Variants in DSTYK observed in about 807,000 individuals in gnomAD.
DSTYK encodes RIP-homologous kinase.
In DSTYK, 34 loss-of-function variants were observed where a neutral mutation model predicts 98.7. The ratio of observed to expected loss-of-function variants is 0.34; its 90% CI spans 0.26 to 0.46. The LOEUF (loss-of-function observed/expected upper bound fraction) is 0.46, where lower values mean the gene tolerates loss of function less well. DSTYK is among the 20% of genes least tolerant of loss of function. The pLI, the probability that DSTYK is intolerant of heterozygous loss-of-function variation, is 1.00. For synonymous variants in DSTYK, 462 were observed against 457.3 expected, an observed-to-expected ratio of 1.01 and a Z score of -0.13; for missense variants, 962 against 1,181.7, an observed-to-expected ratio of 0.81 and a Z score of 2.73.
At chr1:205,194,342 C>T (rs1658799256) in intron 1 of DSTYK, among the ~76,000 whole-genome samples, 1 of 152,118 alleles carries the variant, frequency 6.6e-6, no homozygotes, top group Non-Finnish European at 1.5e-5. Context: ...ACTGAAGGCT[C>T]TTAAGGTACA....
chr1:205,209,220 C>A (rs1204002492), intron 1 of DSTYK, among the ~76,000 whole-genome samples: 1 of 152,144 alleles, frequency 6.6e-6, no homozygotes, highest in East Asian at 1.9e-4. Context: ...GTTTTAGAAG[C>A]AAGTCTAAAA....
At chr1:205,157,807 G>A (rs1372482129) in intron 9 of DSTYK, among the ~76,000 whole-genome samples, 1 of 151,904 alleles carries the variant, frequency 6.6e-6, no homozygotes, top group East Asian at 1.9e-4. Flanking sequence ...GTTAGGAGAG[G>A]GAAGTAGAGG....
Position 205,148,280 on chromosome 1 carries a change from A to G in DSTYK, c.2527T>C (p.Ser843Pro). 6.2e-7 allele frequency: 1 copy of G among 1,614,156 alleles called. No homozygotes were observed. The highest frequency in any genetic ancestry group is 8.5e-7 in the Non-Finnish European group (1 of 1,180,016). The stretch of plus-strand genomic sequence containing the variant: ...GCCTCAGGGAGCTTGACAGAGCCTG[A>G]GCAGATATACCAGAAAAGAATTCCA... ...AFGILFWYIC[S>P]GSVKLPEAFE... is the part of the protein sequence containing the mutation. Residue 843 changes from serine (S) to proline (P), a missense_variant, in exon 12 of 13, where the codon TCA becomes CCA. Transcript: ENST00000367162.
chr1:205,200,106 G>C (rs1230123743), intron 1 of DSTYK, among the ~76,000 whole-genome samples: 1 of 151,840 alleles, frequency 6.6e-6, no homozygotes, highest in Admixed American at 6.6e-5. Flanking sequence ...GTGCAATCTC[G>C]GCTGGTTGCA....
chr1:205,149,200 C>T (rs1657332334), intron 11 of DSTYK, among the ~76,000 whole-genome samples: 2 of 151,092 alleles, frequency 1.3e-5, no homozygotes, highest in Admixed American at 6.6e-5. Context: ...CGCACCTGGC[C>T]GAAAGTTTTT....
At chr1:205,174,130 G>A (rs1658154597) in intron 2 of DSTYK, among the ~76,000 whole-genome samples, 3 of 152,110 alleles carry the variant, frequency 2.0e-5, no homozygotes, top group Admixed American at 2.0e-4. Context: ...TGTAATCCCA[G>A]CACTCTGGGA....
At chr1:205,148,638 G>A (rs1657314501) in intron 11 of DSTYK, among the ~76,000 whole-genome samples, 1 of 152,096 alleles carries the variant, frequency 6.6e-6, no homozygotes, top group African/African-American at 2.4e-5. Flanking sequence ...AATCACAAAA[G>A]GTCATATTAG....
At chr1:205,157,506 G>A (rs2102392945) in intron 9 of DSTYK, 120 bp from the exon 10 acceptor site, 1 of 731,996 alleles carries the variant, frequency 1.4e-6, no homozygotes, top group Middle Eastern at 3.0e-4. Flanking sequence ...CGGGCACAGT[G>A]GCTCATGCCT....
At chr1:205,165,932 G>A (rs1162748946) in intron 3 of DSTYK, among the ~76,000 whole-genome samples, 3 of 152,088 alleles carry the variant, frequency 2.0e-5, no homozygotes, top group African/African-American at 4.8e-5. Context: ...TGAGGTGGGA[G>A]GATTCCTTGA....
intron 2 of DSTYK, among the ~76,000 whole-genome samples, chr1:205,185,541 A>G (rs927175421): frequency 1.3e-5 from 2 of 152,212 alleles, no homozygotes; most frequent in Non-Finnish European, 2.9e-5. Flanking sequence ...GTTATAATCT[A>G]TCAGGTCATA....
chr1:205,201,207 TTGTA>T (rs1407260488), intron 1 of DSTYK, among the ~76,000 whole-genome samples: 1 of 152,042 alleles, frequency 6.6e-6, no homozygotes, highest in Non-Finnish European at 1.5e-5. Context: ...GATGGCCCAG[TTGTA>T]TATTTTTAAA....
intron 1 of DSTYK, among the ~76,000 whole-genome samples, chr1:205,202,922 G>A (rs1260829104): frequency 6.6e-6 from 1 of 152,100 alleles, no homozygotes; most frequent in African/African-American, 2.4e-5. Flanking sequence ...TGAAAGGATT[G>A]TTTTTGAGAA....
At position 205,187,603 on chromosome 1, in the gene DSTYK, A is replaced by G. The variant is rs1282285757; in HGVS notation, c.469T>C (p.Tyr157His). ...SCKLRRLRFT[Y>H]GTQTRVSLAL... ...AGGCTGACCCGAGTCTGAGTCCCAT[A>G]GGTGAAGCGGAGGCGCCGAAGCTTA... is the stretch of plus-strand genomic sequence containing the variant. The change falls in exon 2 of 13, where the codon TAT (tyrosine) becomes CAT (histidine). Residue 157 changes from tyrosine (Y) to histidine (H), a missense_variant. Transcript: ENST00000367162. 1.1e-5 allele frequency: 18 copies of G among 1,614,154 alleles called. No individual in the cohort carries two copies. The highest frequency in any genetic ancestry group is 1.4e-5 in the Non-Finnish European group (16 of 1,180,026).
intron 1 of DSTYK, among the ~76,000 whole-genome samples, chr1:205,205,798 C>A (rs571158729): frequency 2.0e-5 from 3 of 152,202 alleles, no homozygotes; most frequent in East Asian, 3.9e-4. Flanking sequence ...CTTTTAAATG[C>A]TGGCACATTT....
chr1:205,206,857 C>T (rs560733123), intron 1 of DSTYK, among the ~76,000 whole-genome samples: 11 of 152,148 alleles, frequency 7.2e-5, no homozygotes, highest in Non-Finnish European at 1.0e-4. Flanking sequence ...CATGAGCCAC[C>T]GCTCCCGGCC....
At chr1:205,166,563 A>G (rs1657897510) in intron 3 of DSTYK, among the ~76,000 whole-genome samples, 1 of 152,182 alleles carries the variant, frequency 6.6e-6, no homozygotes, top group African/African-American at 2.4e-5. Flanking sequence ...AGCACTTAGA[A>G]CAAGGTAAGA....
rs150925718 is a variant in DSTYK at position 205,187,644 on chromosome 1, C to T, written c.428G>A (p.Gly143Asp). The change falls in exon 2 of 13, where the codon GGC becomes GAC. Residue 143 changes from glycine to aspartate, a missense_variant. Transcript: ENST00000367162. ...CCGAAGCTTACAGCTCTCCTCACTG[C>T]CCAGCTTGGTGGTGGGAAGCACCTG... is the stretch of plus-strand genomic sequence containing the variant. Reference protein sequence around the residue: ...GVQVLPTTKLGSEESCKLRRL... With the variant: ...GVQVLPTTKLDSEESCKLRRL... 1.2e-6 allele frequency: 2 copies of T among 1,614,068 alleles called. No homozygotes were observed. Among genetic ancestry groups the T allele is most frequent in the African/African-American group, 2.7e-5 (2 of 74,926 alleles).
chr1:205,174,143 T>C (rs1215559083), intron 2 of DSTYK, among the ~76,000 whole-genome samples: 2 of 151,314 alleles, frequency 1.3e-5, no homozygotes, highest in Non-Finnish European at 2.9e-5. Context: ...CTCTGGGAGG[T>C]TGAGGTGGGC....
chr1:205,152,200 G>C (rs1657423830), intron 10 of DSTYK, among the ~76,000 whole-genome samples: 1 of 152,150 alleles, frequency 6.6e-6, no homozygotes, highest in Non-Finnish European at 1.5e-5. Flanking sequence ...TTTTTGAGAA[G>C]GAGTTTCGCT....
Sources: allele counts gnomAD v4.1 joint callset (sites outside exome capture counted in the v4.1 genomes callset), GRCh38; gene constraint gnomAD v4.1.1; transcripts MANE v1.5; gene names NCBI Gene and HGNC (gene_info 2026-07-23, HGNC 2026-07-21).